Variants in HMCN1 observed in about 807,000 individuals in gnomAD.
HMCN1 encodes hemicentin 1.
HMCN1 carries 321 observed loss-of-function variants against 625.9 expected under a neutral mutation model. The ratio of observed to expected loss-of-function variants is 0.51; its 90% confidence interval spans 0.47 to 0.56. The LOEUF is 0.56. HMCN1 is among the 20% of genes least tolerant of loss of function. HMCN1 has a pLI of 0.00. For missense variants in HMCN1, 6,588 were observed against 6,887.3 expected, an observed-to-expected ratio of 0.96 and a Z score of 1.54; for synonymous variants, 2,425 against 2,417.6, an observed-to-expected ratio of 1.00 and a Z score of -0.09.
Position 186,038,014 on chromosome 1 carries a change from G to T in HMCN1, c.5830G>T (p.Ala1944Ser). The T allele has an allele frequency of 6.2e-7, 1 of 1,608,826 alleles. No homozygotes were observed. Among genetic ancestry groups the T allele is most frequent in the South Asian group, 1.1e-5 (1 of 90,972 alleles). The change falls in exon 37 of 107, where the codon GCA becomes TCA. Residue 1944 changes from alanine (A) to serine (S), a missense_variant. Ala to Ser is a moderately conservative substitution (Grantham distance 99, BLOSUM62 1). Around this residue, in one of 3 missense-constraint regions of HMCN1, gnomAD observed 4,628 missense variants for 4,853.1 expected, o/e 0.95. Transcript: ENST00000271588. ...CAACCCTGTACAGCTGGAGTGTAAG[G>T]CAGCTGGAAATCCTGTGCCTGGTAC... is the stretch of plus-strand genomic sequence containing the variant. ...VSNPVQLECK[A>S]AGNPVPVITW...
chr1:186,130,415 T>G, intron 84 of HMCN1, 92 bp from the exon 85 acceptor site: 1 of 1,332,528 alleles, frequency 7.5e-7, no homozygotes, highest in Admixed American at 1.8e-5. Flanking sequence ...TACTCCCCTC[T>G]TTACTAAATT....
chr1:185,900,090 T>C (rs1323447753), intron 4 of HMCN1, among the ~76,000 whole-genome samples: 2 of 152,032 alleles, frequency 1.3e-5, no homozygotes, highest in Non-Finnish European at 2.9e-5. Flanking sequence ...TTCTTTACTT[T>C]TCAAACTCTC....
At position 185,992,274 on chromosome 1, in the gene HMCN1, G is replaced by A. The variant is rs78806371; in HGVS notation, c.3378-908G>A. Among the ~76,000 whole-genome samples, 395 of 152,232 alleles carry A rather than the reference G, an allele frequency of 2.6e-3. 2 individuals are homozygous for A. The highest frequency in any genetic ancestry group is 0.02 in the Admixed American group (312 of 15,274). On this transcript the variant is annotated intron_variant, in intron 22 of 106. Coordinates refer to ENST00000271588, the MANE Select transcript of HMCN1 (RefSeq NM_031935.3). Reference sequence around the variant, plus strand: ...TACAGAAGGTTTCAGTTTTTAAGGAGCACAGTGTATTAATCTGTTCTTTTT... The same window carrying A: ...TACAGAAGGTTTCAGTTTTTAAGGAACACAGTGTATTAATCTGTTCTTTTT...
At chr1:185,947,773 TA>T (rs1438174008) in intron 11 of HMCN1, among the ~76,000 whole-genome samples, 1 of 152,232 alleles carries the variant, frequency 6.6e-6, no homozygotes, top group Admixed American at 6.5e-5. Flanking sequence ...TGTGAAAAGT[TA>T]AAAATGTTTA....
chr1:185,948,779 G>A (rs1472193472), intron 11 of HMCN1, among the ~76,000 whole-genome samples: 1 of 151,640 alleles, frequency 6.6e-6, no homozygotes, highest in Non-Finnish European at 1.5e-5. Flanking sequence ...TAGTGTTGAA[G>A]TGTCGGGGCG....
intron 2 of HMCN1, among the ~76,000 whole-genome samples, chr1:185,858,433 T>G (rs1378926795): frequency 8.6e-5 from 13 of 151,644 alleles, no homozygotes. Context: ...ATTTATTTAT[T>G]TATTTATTTT....
At chr1:186,159,541 G>T (rs868769843) in intron 97 of HMCN1, among the ~76,000 whole-genome samples, 1 of 152,146 alleles carries the variant, frequency 6.6e-6, no homozygotes, top group Admixed American at 6.5e-5. Flanking sequence ...ATTCAGTATG[G>T]TATTGGCTGT....
chr1:186,013,435 AT>A (rs1185067148), intron 30 of HMCN1, among the ~76,000 whole-genome samples: 1 of 152,184 alleles, frequency 6.6e-6, no homozygotes, highest in Non-Finnish European at 1.5e-5. Flanking sequence ...AGTATAGTAG[AT>A]CTTGCCTTAA....
chr1:185,998,648 C>T (rs142420834), intron 25 of HMCN1, among the ~76,000 whole-genome samples: 1 of 152,046 alleles, frequency 6.6e-6, no homozygotes, highest in African/African-American at 2.4e-5. Flanking sequence ...TTTGACTTCC[C>T]TTTTCCACCT....
At chr1:185,810,156 CGAG>C (rs1557986578) in intron 1 of HMCN1, among the ~76,000 whole-genome samples, 1 of 152,050 alleles carries the variant, frequency 6.6e-6, no homozygotes, top group African/African-American at 2.4e-5. Flanking sequence ...TTAAATAGAA[CGAG>C]GAGGAGACAT....
chr1:186,096,263 C>A (rs192240555), intron 68 of HMCN1, among the ~76,000 whole-genome samples: 1 of 152,188 alleles, frequency 6.6e-6, no homozygotes, highest in Non-Finnish European at 1.5e-5. Flanking sequence ...GTGTTATAAT[C>A]CTTCTCAGAG....
At position 186,182,583 on chromosome 1, in the gene HMCN1, C is replaced by CT. The variant is rs1338774285; in HGVS notation, c.16414+302dup. Among the ~76,000 whole-genome samples, 14 of 152,236 alleles carry CT rather than the reference C, an allele frequency of 9.2e-5. No homozygotes were observed. In the East Asian group the frequency reaches 2.7e-3, roughly 29 times the overall value. On this transcript the variant is annotated intron_variant, in intron 105 of 106. Coordinates refer to ENST00000271588, the MANE Select transcript of HMCN1 (RefSeq NM_031935.3). The stretch of plus-strand genomic sequence containing the variant: ...CTTAATGGGAATAGATCTCTTCAAA[C>CT]TTTTTTACAATTCCACTAAAATGGA...
chr1:186,060,092 G>A (rs1657590965), intron 46 of HMCN1, among the ~76,000 whole-genome samples: 1 of 151,750 alleles, frequency 6.6e-6, no homozygotes, highest in Non-Finnish European at 1.5e-5. Flanking sequence ...AAATTCAATT[G>A]GGAAAAAAAG....
intron 1 of HMCN1, among the ~76,000 whole-genome samples, chr1:185,836,276 C>T (rs929304138): frequency 6.6e-6 from 1 of 152,150 alleles, no homozygotes; most frequent in Non-Finnish European, 1.5e-5. Flanking sequence ...GATTATAAAA[C>T]AGTACAATAA....
intron 18 of HMCN1, among the ~76,000 whole-genome samples, 193 bp from the exon 19 acceptor site, chr1:185,983,976 T>C (rs374979766): frequency 3.3e-5 from 5 of 152,240 alleles, no homozygotes; most frequent in South Asian, 2.1e-4. Context: ...TATTTGGAGG[T>C]ATATCAGGAT....
At position 185,734,833 on chromosome 1, in the gene HMCN1, T is replaced by C. The variant is rs547291068; in HGVS notation, c.54T>C (p.Ser18=). 6 of 1,614,004 alleles carry C rather than the reference T, an allele frequency of 3.7e-6. No homozygotes were observed. The African/African-American group carries it at 5.3e-5, about 14-fold the overall frequency. The part of the protein sequence containing the change: ...HTVFLFALLY[S]SLAQDASPQS... ...TATTCCTGTTTGCTCTTCTTTATTC[T>C]TCCCTAGCTCAAGATGCGAGCCCCC... Residue 18 remains serine, a synonymous_variant, in exon 1 of 107, where the codon TCT becomes TCC. Coordinates refer to ENST00000271588, the MANE Select transcript of HMCN1 (RefSeq NM_031935.3).
intron 1 of HMCN1, among the ~76,000 whole-genome samples, chr1:185,841,740 C>G (rs560462969): frequency 6.6e-6 from 1 of 152,088 alleles, no homozygotes; most frequent in East Asian, 1.9e-4. Context: ...TGTGGTAGCC[C>G]TTAAAGAGGC....
At chr1:185,737,546 GA>G (rs1653678405) in intron 1 of HMCN1, among the ~76,000 whole-genome samples, 1 of 152,156 alleles carries the variant, frequency 6.6e-6, no homozygotes, top group Non-Finnish European at 1.5e-5. Context: ...TATAAATTGA[GA>G]GAATTCTATG....
At chr1:186,034,939 G>C (rs1481581197) in intron 36 of HMCN1, among the ~76,000 whole-genome samples, 3 of 152,084 alleles carry the variant, frequency 2.0e-5, no homozygotes, top group Non-Finnish European at 4.4e-5. Flanking sequence ...GTGAGAAATT[G>C]CCAACCCATT....
Sources: gnomAD v4.1 joint callset for allele counts (sites outside exome capture counted in the v4.1 genomes callset) on GRCh38, gnomAD v4.1.1 for gene constraint, gnomAD v4.1.1 regional missense constraint, MANE v1.5 for transcripts, NCBI Gene and HGNC (gene_info 2026-07-23, HGNC 2026-07-21) for gene names.